The following EXOC4 variants were observed in gnomAD, a reference collection of about 807,000 sequenced individuals.
The protein encoded by EXOC4 is SEC8-like 1.
In EXOC4, 71 loss-of-function variants were observed where a neutral mutation model predicts 107.2. The ratio of observed to expected loss-of-function variants is 0.66; its 90% CI spans 0.55 to 0.81. The LOEUF (loss-of-function observed/expected upper bound fraction) is 0.81, where lower values mean the gene tolerates loss of function less well. Among genes scored for constraint, EXOC4 ranks in the 30% least tolerant of loss-of-function variants. The pLI is 0.00. For missense variants in EXOC4, 1,108 were observed against 1,189.6 expected (o/e 0.93, Z 1.01); for synonymous variants, 456 against 441.2 (o/e 1.03, Z -0.42).
chr7:133,263,053 T>C (rs1795188924), intron 1 of EXOC4, among the ~76,000 whole-genome samples: 2 of 152,194 alleles, frequency 1.3e-5, no homozygotes, highest in Non-Finnish European at 2.9e-5. Flanking sequence ...CCTGCTGCCA[T>C]GTAAATGTGA....
At chr7:133,508,832 CAGTTT>C (rs776880216) in intron 9 of EXOC4, among the ~76,000 whole-genome samples, 5 of 152,118 alleles carry the variant, frequency 3.3e-5, no homozygotes, top group African/African-American at 4.8e-5. Context: ...AATGATTAGT[CAGTTT>C]AGATTCTTAT....
At chr7:133,475,537 A>G in intron 8 of EXOC4, 64 bp downstream of exon 8, 1 of 1,420,832 alleles carries the variant, frequency 7.0e-7, no homozygotes, top group African/African-American at 1.4e-5. Context: ...ATGACTTCCT[A>G]CTTTATTAAT....
At chr7:133,788,549 G>A (rs577986984) in intron 10 of EXOC4, among the ~76,000 whole-genome samples, 2 of 152,184 alleles carry the variant, frequency 1.3e-5, no homozygotes, top group South Asian at 4.2e-4. Context: ...GGAGAGTACA[G>A]TGGTGTGATC....
At chr7:133,539,140 A>G (rs1009243916) in intron 9 of EXOC4, among the ~76,000 whole-genome samples, 2 of 152,116 alleles carry the variant, frequency 1.3e-5, no homozygotes, top group Admixed American at 1.3e-4. Flanking sequence ...GAACAATTTT[A>G]TACCTAGACA....
intron 9 of EXOC4, among the ~76,000 whole-genome samples, chr7:133,498,145 G>A (rs951231289): frequency 2.6e-5 from 4 of 151,928 alleles, no homozygotes; most frequent in African/African-American, 7.3e-5. Context: ...CTTTTCTTTC[G>A]GTGCACCTGA....
At chr7:133,287,549 G>T (rs1015919449) in intron 2 of EXOC4, among the ~76,000 whole-genome samples, 1 of 152,014 alleles carries the variant, frequency 6.6e-6, no homozygotes, top group Admixed American at 6.6e-5. Flanking sequence ...TCCTGACCTC[G>T]TGATCCACCC....
chr7:133,799,168 G>C (rs1299656630), intron 10 of EXOC4, among the ~76,000 whole-genome samples: 2 of 152,132 alleles, frequency 1.3e-5, no homozygotes, highest in Non-Finnish European at 2.9e-5. Context: ...ATATAACCCA[G>C]CTACATTTTC....
At chr7:133,650,148 A>G (rs1206855297) in intron 10 of EXOC4, among the ~76,000 whole-genome samples, 1 of 151,944 alleles carries the variant, frequency 6.6e-6, no homozygotes, top group Non-Finnish European at 1.5e-5. Context: ...TTTTACGGTC[A>G]TATGTATGTA....
At chr7:133,559,076 T>C (rs1429312922) in intron 9 of EXOC4, among the ~76,000 whole-genome samples, 2 of 152,356 alleles carry the variant, frequency 1.3e-5, no homozygotes, top group African/African-American at 4.8e-5. Flanking sequence ...GGTGTGCATT[T>C]GGTGTTTGTT....
intron 10 of EXOC4, among the ~76,000 whole-genome samples, chr7:133,784,082 ATAAT>A (rs1189376196): frequency 1.3e-5 from 2 of 152,180 alleles, no homozygotes; most frequent in Admixed American, 1.3e-4. Flanking sequence ...AATTATGTTA[ATAAT>A]TCTAATCAAT....
chr7:133,488,777 A>C (rs1383040449), intron 9 of EXOC4, among the ~76,000 whole-genome samples: 2 of 152,044 alleles, frequency 1.3e-5, no homozygotes, highest in Non-Finnish European at 1.5e-5. Context: ...GTTGTTGTAG[A>C]GTCACAAAGT....
chr7:133,947,678 A>G (rs1437689153), intron 14 of EXOC4, among the ~76,000 whole-genome samples: 3 of 152,158 alleles, frequency 2.0e-5, no homozygotes, highest in African/African-American at 7.2e-5. Context: ...GTGATTATCA[A>G]CTGTGGAGCT....
chr7:133,903,811 C>A (rs546795172), intron 12 of EXOC4, among the ~76,000 whole-genome samples: 30 of 152,168 alleles, frequency 2.0e-4, no homozygotes, highest in African/African-American at 5.8e-4. Flanking sequence ...AGAAGAGGAC[C>A]ATGGACTTTT....
intron 11 of EXOC4, among the ~76,000 whole-genome samples, chr7:133,860,713 A>C (rs1456308228): frequency 6.6e-6 from 1 of 152,190 alleles, no homozygotes; most frequent in Admixed American, 6.5e-5. Flanking sequence ...TTTGTTTTCA[A>C]ACATGGGATT....
At chr7:133,517,088 C>A (rs1799891214) in intron 9 of EXOC4, among the ~76,000 whole-genome samples, 1 of 151,742 alleles carries the variant, frequency 6.6e-6, no homozygotes, top group Non-Finnish European at 1.5e-5. Context: ...CTTCACAGAG[C>A]AAAAGGAATT....
chr7:133,347,020 A>G (rs936061904), intron 5 of EXOC4, among the ~76,000 whole-genome samples: 3 of 152,166 alleles, frequency 2.0e-5, no homozygotes, highest in Admixed American at 2.0e-4. Flanking sequence ...ATCTTGTCCC[A>G]TCAAATATAC....
intron 17 of EXOC4, among the ~76,000 whole-genome samples, chr7:134,035,475 A>C (rs1352079933): frequency 6.6e-6 from 1 of 152,256 alleles, no homozygotes; most frequent in Non-Finnish European, 1.5e-5. Flanking sequence ...TCACACAAAA[A>C]TGCTAAAATA....
intron 9 of EXOC4, among the ~76,000 whole-genome samples, chr7:133,583,516 C>G (rs1348665078): frequency 6.6e-6 from 1 of 152,152 alleles, no homozygotes. Flanking sequence ...AACTCTTGAG[C>G]TGAATCTCAG....
intron 10 of EXOC4, among the ~76,000 whole-genome samples, chr7:133,678,076 G>A (rs1338128266): frequency 6.6e-6 from 1 of 152,116 alleles, no homozygotes; most frequent in Non-Finnish European, 1.5e-5. Flanking sequence ...TTATATCGCA[G>A]TAAAGCTGCT....
Sources: allele counts gnomAD v4.1 joint callset (sites outside exome capture counted in the v4.1 genomes callset), GRCh38; gene constraint gnomAD v4.1.1; transcripts MANE v1.5; gene names NCBI Gene and HGNC (gene_info 2026-07-23, HGNC 2026-07-21).